GYPC: variants seen among roughly 807,000 people sequenced by gnomAD.
The protein encoded by GYPC is glycophorin C (Gerbich blood group).
GYPC carries 14 observed loss-of-function variants against 12.6 expected under a neutral mutation model. The observed-to-expected ratio is 1.11, with a 90% CI of 0.74 to 1.74. GYPC has a LOEUF of 1.74. Among genes scored for constraint, GYPC ranks in the 40% most tolerant of loss-of-function variants. GYPC has a pLI of 0.00. For missense variants in GYPC, 225 were observed against 172.1 expected (o/e 1.31, Z -1.72); for synonymous variants, 78 against 62.1 (o/e 1.26, Z -1.20).
rs373759494 is a variant in GYPC, at chr2:126,696,066, G to A, written c.311G>A (p.Ser104Asn). ...GCCAAGGGCACGGAGTTTGCTGAGA[G>A]TGCAGATGCAGCCCTGCAGGGAGAC... ...NEAKGTEFAE[S>N]ADAALQGDPA... The change falls in exon 4 of 4, where the codon AGT (serine) becomes AAT (asparagine). Residue 104 changes from serine (S) to asparagine (N), a missense_variant. Ser to Asn is a conservative substitution (Grantham distance 46, BLOSUM62 1). Transcript: ENST00000259254. 38 of 1,614,042 alleles carry A rather than the reference G, an allele frequency of 2.4e-5. 1 individual carries two copies. Among genetic ancestry groups the A allele is most frequent in the Admixed American group, 1.0e-4 (6 of 60,018 alleles).
intron 2 of GYPC, among the ~76,000 whole-genome samples, chr2:126,692,817 C>G (rs1683512800): frequency 6.6e-6 from 1 of 151,806 alleles, no homozygotes; most frequent in African/African-American, 2.4e-5. Flanking sequence ...GACAGGAGCC[C>G]TGGGAAGGGC....
chr2:126,693,801 A>C, intron 2 of GYPC, 63 bp from the exon 3 acceptor site: 1 of 1,115,324 alleles, frequency 9.0e-7, no homozygotes, highest in Non-Finnish European at 1.4e-6. Context: ...AGCTTGGGCC[A>C]AGGTGCTGCT....
Position 126,689,579 on chromosome 2 carries a change from G to A in GYPC, c.50-676G>A, listed in dbSNP as rs1355255166. 4.6e-5 allele frequency among the ~76,000 whole-genome samples: 7 copies of A among 150,852 alleles called. No homozygotes were observed. In the South Asian group the frequency reaches 8.5e-4, roughly 18 times the overall value. ...ATTAATACCCCCTTGAGGGAGGGAG[G>A]GAGTTCTAGCTGTCGTGAGACTGGA... is the stretch of plus-strand genomic sequence containing the variant. On this transcript the variant is annotated intron_variant, in intron 1 of 3. Coordinates refer to ENST00000259254, the MANE Select transcript of GYPC (RefSeq NM_002101.5).
At chr2:126,690,472 T>G (rs1416719765) in intron 2 of GYPC, among the ~76,000 whole-genome samples, 161 bp downstream of exon 2, 1 of 152,160 alleles carries the variant, frequency 6.6e-6, no homozygotes, top group African/African-American at 2.4e-5. Context: ...GTGGCCATTT[T>G]TTCTCTCCCT....
At chr2:126,679,732 G>A (rs1263329417) in intron 1 of GYPC, 1 of 152,118 alleles carries the variant, frequency 6.6e-6, no homozygotes, top group African/African-American at 2.4e-5. Flanking sequence ...AAATTTGCCA[G>A]GTGTGGTGGT....
At chr2:126,694,054 T>C in intron 3 of GYPC, 107 bp downstream of exon 3, 1 of 786,162 alleles carries the variant, frequency 1.3e-6, no homozygotes, top group South Asian at 1.4e-5. Flanking sequence ...GCTGTGGCCA[T>C]TTTTTCTCTC....
At chr2:126,685,930 GC>G in intron 1 of GYPC, 1 of 985,278 alleles carries the variant, frequency 1.0e-6, no homozygotes, top group African/African-American at 1.7e-5. Flanking sequence ...CTAGTCTGAA[GC>G]CATCCTCACT....
chr2:126,685,830 A>AG, intron 1 of GYPC: 2 of 985,008 alleles, frequency 2.0e-6, no homozygotes, highest in Non-Finnish European at 2.4e-6. Context: ...CATTGCAGGA[A>AG]GTCTCCAAGG....
At chr2:126,660,791 A>G (rs1682512772) in intron 1 of GYPC, among the ~76,000 whole-genome samples, 1 of 152,092 alleles carries the variant, frequency 6.6e-6, no homozygotes, top group Non-Finnish European at 1.5e-5. Flanking sequence ...GCCAGTAAAT[A>G]CTAAGTTGAA....
At chr2:126,668,441 GA>G (rs2104777627) in intron 1 of GYPC, among the ~76,000 whole-genome samples, 1 of 152,292 alleles carries the variant, frequency 6.6e-6, no homozygotes, top group East Asian at 1.9e-4. Context: ...AGGACACTTT[GA>G]GGCCTGGATC....
chr2:126,695,210 G>C lies in GYPC; in HGVS notation c.191-736G>C, dbSNP rs28387226. Among the ~76,000 whole-genome samples the C allele has an allele frequency of 8.5e-3, 1,288 of 152,256 alleles. 16 individuals carry two copies. Among genetic ancestry groups the C allele is most frequent in the African/African-American group, 0.024 (977 of 41,542 alleles). ...TTTTTCCCCCTGTATAGTGTACATA[G>C]AGCAACCAGCTCTGCCCTGTTTTCT... On this transcript the variant is annotated intron_variant, in intron 3 of 3. Transcript: ENST00000259254.
intron 1 of GYPC, among the ~76,000 whole-genome samples, chr2:126,660,698 C>A (rs893514016): frequency 6.6e-6 from 1 of 152,192 alleles, no homozygotes; most frequent in Non-Finnish European, 1.5e-5. Context: ...GCTCCCAGGA[C>A]TGCCACCATT....
At chr2:126,695,857 C>T (rs868483438) in intron 3 of GYPC, 89 bp from the exon 4 acceptor site, 1 of 964,986 alleles carries the variant, frequency 1.0e-6, no homozygotes. Flanking sequence ...TTGTATCTGT[C>T]CTCACACAAC....
chr2:126,660,754 G>A (rs1269190170), intron 1 of GYPC, among the ~76,000 whole-genome samples: 2 of 152,118 alleles, frequency 1.3e-5, no homozygotes, highest in African/African-American at 4.8e-5. Context: ...AGGAGCTCCT[G>A]GTCCAGAACT....
chr2:126,692,244 G>T (rs1683492882), intron 2 of GYPC, among the ~76,000 whole-genome samples: 1 of 151,826 alleles, frequency 6.6e-6, no homozygotes, highest in Admixed American at 6.6e-5. Context: ...TGGGTCCCTG[G>T]GCTGCCTCAG....
rs141253834 is a variant in GYPC, at chr2:126,666,905, G to A, written c.49+10593G>A. Among the ~76,000 whole-genome samples the A allele has an allele frequency of 8.9e-3, 1,358 of 152,240 alleles. 27 individuals carry two copies. The highest frequency in any genetic ancestry group is 0.031 in the African/African-American group (1,296 of 41,536). On this transcript the variant is annotated intron_variant, in intron 1 of 3. Transcript: ENST00000259254. ...CAGGGCAGACAGGCATTTGGTGCAT[G>A]GATCCTACTGACCTCCCAGAGATAA...
At position 126,656,170 on chromosome 2, in the gene GYPC, G is replaced by T; in HGVS notation, c.-94G>T. On this transcript the variant is annotated 5_prime_UTR_variant, in exon 1 of 4. Coordinates refer to ENST00000259254, the MANE Select transcript of GYPC (RefSeq NM_002101.5). ...CCAGGTGCCGCTTCCTCTCGCCGCCGAGGGTCAGGAGCCCGGGAGCGCGAC... is the reference window on the plus strand; with the variant it reads ...CCAGGTGCCGCTTCCTCTCGCCGCCTAGGGTCAGGAGCCCGGGAGCGCGAC... 6.6e-7 allele frequency: 1 copy of T among 1,507,974 alleles called. No individual in the cohort carries two copies. 93.4% of individuals were successfully genotyped at this position (1,507,974 alleles called of 1,614,324 possible).
intron 1 of GYPC, among the ~76,000 whole-genome samples, chr2:126,675,361 A>G (rs923941756): frequency 3.9e-5 from 6 of 152,210 alleles, no homozygotes; most frequent in African/African-American, 1.4e-4. Flanking sequence ...GAAACATAGA[A>G]TAATAAATAA....
intron 2 of GYPC, among the ~76,000 whole-genome samples, 198 bp from the exon 3 acceptor site, chr2:126,693,666 A>G (rs572289812): frequency 6.6e-6 from 1 of 152,258 alleles, no homozygotes; most frequent in East Asian, 1.9e-4. Flanking sequence ...GTTCCATCCC[A>G]GTCAGTGACC....
Sources: gnomAD v4.1 joint callset for allele counts (sites outside exome capture counted in the v4.1 genomes callset) on GRCh38, gnomAD v4.1.1 for gene constraint, MANE v1.5 for transcripts, NCBI Gene and HGNC (gene_info 2026-07-23, HGNC 2026-07-21) for gene names.